Variants in PPFIA2 observed in about 807,000 individuals in gnomAD.
PPFIA2 encodes PPFI scaffold protein A2.
A neutral mutation model predicts 175.5 loss-of-function variants in PPFIA2; 46 were observed. The ratio of observed to expected loss-of-function variants is 0.26; its 90% confidence interval spans 0.21 to 0.34. The LOEUF is 0.34. Among genes scored for constraint, PPFIA2 ranks in the 10% least tolerant of loss-of-function variants. The pLI is 1.00. For missense variants in PPFIA2, 1,179 were observed against 1,506.1 expected (o/e 0.78, Z 3.60); for synonymous variants, 568 against 511.4 (o/e 1.11, Z -1.49).
chr12:81,312,964 C>A, intron 22 of PPFIA2, among the ~76,000 whole-genome samples: 1 of 151,892 alleles, frequency 6.6e-6, no homozygotes, highest in Non-Finnish European at 1.5e-5. Context: ...AAGTTTGTGT[C>A]TATTGTGGCT....
chr12:81,642,649 T>C lies in PPFIA2; in HGVS notation c.303+34142A>G, dbSNP rs201444960. 4.7e-3 allele frequency among the ~76,000 whole-genome samples: 482 copies of C among 103,570 alleles called. 54 individuals carry two copies. The highest frequency in any genetic ancestry group is 0.019 in the East Asian group (41 of 2,128). 67.9% of individuals were successfully genotyped at this position (103,570 alleles called of 152,430 possible). On this transcript the variant is annotated intron_variant, in intron 4 of 32. Transcript: ENST00000549396. ...ACTATATATCTATTATATACATACA[T>C]GTATGTATCTATTATATACATACAT...
At chr12:81,329,745 G>T (rs752603697) in intron 21 of PPFIA2, among the ~76,000 whole-genome samples, 1 of 152,152 alleles carries the variant, frequency 6.6e-6, no homozygotes, top group Non-Finnish European at 1.5e-5. Context: ...GAGAAACAGG[G>T]ACCCAGGCTC....
intron 6 of PPFIA2, among the ~76,000 whole-genome samples, chr12:81,441,381 T>C: frequency 6.6e-6 from 1 of 152,178 alleles, no homozygotes; most frequent in African/African-American, 2.4e-5. Flanking sequence ...GGGGTTTTAA[T>C]ATTAATTATA....
intron 3 of PPFIA2, among the ~76,000 whole-genome samples, chr12:81,720,012 G>A (rs2400976): frequency 0.72 from 109,470 of 151,056 alleles, 42,211 homozygotes; most frequent in Non-Finnish European, 0.86. Context: ...GTAAAATTGT[G>A]TCCATTCTAT....
intron 2 of PPFIA2, among the ~76,000 whole-genome samples, chr12:81,755,325 A>T (rs999255885): frequency 6.6e-6 from 1 of 152,226 alleles, no homozygotes; most frequent in South Asian, 2.1e-4. Context: ...ACTCATCTCA[A>T]TTTTGGTTGT....
chr12:81,462,585 C>CATATATATATACATATAT (rs1555402548), intron 4 of PPFIA2, among the ~76,000 whole-genome samples: 1 of 124,680 alleles, frequency 8.0e-6, no homozygotes, highest in African/African-American at 2.9e-5. Context: ...TATATATATA[C>CATATATATATACATATAT]ATATATATAT....
chr12:81,509,711 T>C (rs1046570209), intron 4 of PPFIA2, among the ~76,000 whole-genome samples: 2 of 151,852 alleles, frequency 1.3e-5, no homozygotes, highest in Non-Finnish European at 2.9e-5. Context: ...TCTACAACCA[T>C]ATATGCTTTC....
At chr12:81,756,173 G>C (rs757172399) in intron 2 of PPFIA2, among the ~76,000 whole-genome samples, 5 of 151,840 alleles carry the variant, frequency 3.3e-5, no homozygotes, top group Non-Finnish European at 7.4e-5. Flanking sequence ...GACATTTAAG[G>C]TTAAAACAAA....
At position 81,258,585 on chromosome 12, in the gene PPFIA2, T is replaced by A. The variant is rs1424464898; in HGVS notation, c.*1109A>T. Reference sequence around the variant, plus strand: ...TACTCTTCTATACTTTTATACACTATATATGTTAATCATTCTGTCTTTCAT... The same window carrying A: ...TACTCTTCTATACTTTTATACACTAAATATGTTAATCATTCTGTCTTTCAT... On this transcript the variant is annotated 3_prime_UTR_variant, in exon 33 of 33. Transcript: ENST00000549396. 1 of 152,180 alleles carries A rather than the reference T, an allele frequency of 6.6e-6. No individual in the cohort carries two copies. The highest frequency in any genetic ancestry group is 1.5e-5 in the Non-Finnish European group (1 of 68,032). 9.4% of individuals were successfully genotyped at this position (152,180 alleles called of 1,614,324 possible). A position where few individuals can be genotyped will look rare whatever the true frequency, so the allele number is the denominator to read the frequency against.
intron 4 of PPFIA2, among the ~76,000 whole-genome samples, chr12:81,519,871 T>C (rs1173554881): frequency 6.6e-6 from 1 of 152,228 alleles, no homozygotes; most frequent in African/African-American, 2.4e-5. Flanking sequence ...CCAAATTTTA[T>C]ATATGTCTTT....
At chr12:81,445,742 G>C in intron 5 of PPFIA2, 22 bp from the exon 6 acceptor site, 5 of 1,603,620 alleles carry the variant, frequency 3.1e-6, no homozygotes, top group Non-Finnish European at 4.3e-6. Context: ...AACAGAAAAT[G>C]CAATTATCTT....
chr12:81,341,159 C>A lies in PPFIA2; in HGVS notation c.2312G>T (p.Cys771Phe). The A allele has an allele frequency of 1.2e-6, 2 of 1,612,130 alleles. No individual in the cohort carries two copies. The highest frequency in any genetic ancestry group is 1.7e-6 in the Non-Finnish European group (2 of 1,178,674). The change falls in exon 20 of 33, where the codon TGT (cysteine) becomes TTT (phenylalanine). Residue 771 changes from cysteine to phenylalanine, a missense_variant. By Grantham distance (205) the Cys-to-Phe change is radical (BLOSUM62 -2). Coordinates refer to ENST00000549396, the MANE Select transcript of PPFIA2 (RefSeq NM_003625.5). ...DGREDKATIK[C>F]ETSPPPTPRA... ...AGGGGTAGGAGGAGGAGAAGTTTCA[C>A]ATTTAATTGTTGCTTTGTCCTCTCG... is the stretch of plus-strand genomic sequence containing the variant.
At chr12:81,730,731 T>C (rs182865121) in intron 3 of PPFIA2, among the ~76,000 whole-genome samples, 2 of 151,754 alleles carry the variant, frequency 1.3e-5, no homozygotes, top group African/African-American at 4.8e-5. Context: ...GTCTGCTATA[T>C]GTTAGATAAC....
At chr12:81,366,003 T>A (rs2033225305) in intron 14 of PPFIA2, among the ~76,000 whole-genome samples, 1 of 96,280 alleles carries the variant, frequency 1.0e-5, no homozygotes, top group Admixed American at 1.4e-4. Context: ...CCTTCCTTCC[T>A]TCCTTCCTTC....
At chr12:81,352,367 G>C (rs937571667) in intron 17 of PPFIA2, among the ~76,000 whole-genome samples, 18 of 146,164 alleles carry the variant, frequency 1.2e-4, no homozygotes, top group African/African-American at 4.4e-4. Flanking sequence ...GGTGGGCAGT[G>C]GGGGGCAGAC....
intron 8 of PPFIA2, among the ~76,000 whole-genome samples, chr12:81,394,722 G>A (rs778482006): frequency 6.6e-6 from 1 of 151,390 alleles, no homozygotes; most frequent in African/African-American, 2.4e-5. Context: ...TTAAAACCTA[G>A]AGACAGGTTG....
intron 4 of PPFIA2, among the ~76,000 whole-genome samples, chr12:81,605,998 G>C (rs1324057392): frequency 2.0e-5 from 3 of 151,800 alleles, no homozygotes; most frequent in African/African-American, 7.3e-5. Flanking sequence ...AGTCTACAGT[G>C]TCAATTGCTC....
chr12:81,636,263 ATTT>A (rs147916617), intron 4 of PPFIA2, among the ~76,000 whole-genome samples: 4 of 117,348 alleles, frequency 3.4e-5, no homozygotes, highest in Admixed American at 1.8e-4. Context: ...TAACTCTCTG[ATTT>A]TTTTTTTTTT....
intron 24 of PPFIA2, among the ~76,000 whole-genome samples, chr12:81,286,962 A>C (rs542374431): frequency 1.3e-5 from 2 of 152,142 alleles, no homozygotes; most frequent in South Asian, 2.1e-4. Context: ...TTATAAACAG[A>C]AAGTTGCATA....
Sources: allele counts gnomAD v4.1 joint callset (sites outside exome capture counted in the v4.1 genomes callset), GRCh38; gene constraint gnomAD v4.1.1; transcripts MANE v1.5; gene names NCBI Gene and HGNC (gene_info 2026-07-23, HGNC 2026-07-21).